Variants in PTK2 observed in about 807,000 individuals in gnomAD.
PTK2 encodes the protein protein tyrosine kinase 2, also known as focal adhesion kinase 1.
A neutral mutation model predicts 150.1 loss-of-function variants in PTK2; 45 were observed. The observed-to-expected ratio is 0.30, with a 90% CI of 0.24 to 0.38. The LOEUF is 0.38. Among genes scored for constraint, PTK2 ranks in the 10% least tolerant of loss-of-function variants. PTK2 has a pLI of 1.00. For missense variants in PTK2, 919 were observed against 1,307.3 expected (o/e 0.70, Z 4.58); for synonymous variants, 432 against 449.2 (o/e 0.96, Z 0.48).
At chr8:140,953,346 CA>C (rs2100180133) in intron 1 of PTK2, among the ~76,000 whole-genome samples, 1 of 152,048 alleles carries the variant, frequency 6.6e-6, no homozygotes, top group African/African-American at 2.4e-5. Flanking sequence ...ACAATTATAA[CA>C]ATATGCCAGC....
At chr8:140,828,168 CAAA>C (rs201599904) in intron 8 of PTK2, among the ~76,000 whole-genome samples, 7 of 65,390 alleles carry the variant, frequency 1.1e-4, no homozygotes, top group Admixed American at 3.4e-4. Context: ...TCTGTCTCAA[CAAA>C]AAAAAAAAAA....
intron 28 of PTK2, 50 bp from the exon 32 acceptor site, chr8:140,674,454 A>G (rs984251693): frequency 2.2e-5 from 33 of 1,506,748 alleles, no homozygotes; most frequent in Middle Eastern, 2.2e-4. Context: ...AAGAAAGATT[A>G]AGAGGCTGGG....
chr8:140,838,328 T>C (rs1323392716), intron 7 of PTK2, among the ~76,000 whole-genome samples: 1 of 152,124 alleles, frequency 6.6e-6, no homozygotes, highest in African/African-American at 2.4e-5. Flanking sequence ...GAAAAAGAAA[T>C]GCCAACACAC....
At chr8:140,717,569 C>T in intron 23 of PTK2, 29 bp downstream of exon 26, 1 of 1,553,634 alleles carries the variant, frequency 6.4e-7, no homozygotes, top group Non-Finnish European at 8.9e-7. Context: ...TAAGAGTAAC[C>T]CCAAAGTTGG....
chr8:140,968,480 C>A (rs1482824873), intron 1 of PTK2, among the ~76,000 whole-genome samples: 1 of 152,142 alleles, frequency 6.6e-6, no homozygotes, highest in Admixed American at 6.5e-5. Context: ...ATAATCTCTA[C>A]TAAACAGAAG....
At chr8:140,990,379 C>CA (rs1410903759) in intron 1 of PTK2, among the ~76,000 whole-genome samples, 1 of 152,002 alleles carries the variant, frequency 6.6e-6, no homozygotes, top group Non-Finnish European at 1.5e-5. Flanking sequence ...GGACTATAGG[C>CA]ATGTACCACC....
intron 7 of PTK2, among the ~76,000 whole-genome samples, chr8:140,841,500 T>C (rs1477701831): frequency 6.6e-6 from 1 of 151,998 alleles, no homozygotes; most frequent in Non-Finnish European, 1.5e-5. Flanking sequence ...TACACAAAAG[T>C]TTCAAAACAA....
chr8:140,894,134 G>GT (rs1261859663), intron 2 of PTK2, among the ~76,000 whole-genome samples: 1 of 152,128 alleles, frequency 6.6e-6, no homozygotes, highest in Admixed American at 6.5e-5. Flanking sequence ...ACTAGATAAG[G>GT]TCATAATGGT....
chr8:140,970,174 A>G (rs957768707), intron 1 of PTK2, among the ~76,000 whole-genome samples: 3 of 152,260 alleles, frequency 2.0e-5, no homozygotes, highest in African/African-American at 4.8e-5. Context: ...CCTGGGAAGT[A>G]CACACTGTGA....
At chr8:140,712,606 A>G (rs1332555699) in intron 23 of PTK2, among the ~76,000 whole-genome samples, 1 of 152,194 alleles carries the variant, frequency 6.6e-6, no homozygotes, top group Non-Finnish European at 1.5e-5. Context: ...TTTCAATGGA[A>G]CTTCTACTCA....
At chr8:140,877,639 C>A (rs1265241013) in intron 4 of PTK2, among the ~76,000 whole-genome samples, 1 of 151,876 alleles carries the variant, frequency 6.6e-6, no homozygotes, top group Admixed American at 6.6e-5. Flanking sequence ...CTTATGACGA[C>A]AAGGCATCAA....
At chr8:140,948,557 G>T (rs2100178463) in intron 1 of PTK2, 4 of 151,082 alleles carry the variant, frequency 2.6e-5, no homozygotes, top group African/African-American at 9.7e-5. Flanking sequence ...AAGTAATGCA[G>T]GAAGAGATAT....
chr8:140,829,427 G>A (rs752776455), intron 8 of PTK2, among the ~76,000 whole-genome samples: 16 of 152,094 alleles, frequency 1.1e-4, no homozygotes, highest in Non-Finnish European at 2.1e-4. Flanking sequence ...CCAACACTCC[G>A]GCCCAATGAT....
chr8:140,752,064 C>T, intron 17 of PTK2, 168 bp downstream of exon 20: 4 of 706,836 alleles, frequency 5.7e-6, no homozygotes, highest in Non-Finnish European at 1.0e-5. Flanking sequence ...CTGGAAAAAT[C>T]TGTAGATAGG....
chr8:140,721,501 C>G (rs1565076256), intron 22 of PTK2, among the ~76,000 whole-genome samples: 1 of 152,048 alleles, frequency 6.6e-6, no homozygotes, highest in African/African-American at 2.4e-5. Context: ...CTTTCTAGAT[C>G]ATAAAACACC....
At chr8:140,736,946 T>C in intron 21 of PTK2, among the ~76,000 whole-genome samples, 1 of 152,192 alleles carries the variant, frequency 6.6e-6, no homozygotes, top group East Asian at 1.9e-4. Context: ...CATATTATCA[T>C]CTTGATGTGA....
At chr8:140,933,021 T>C (rs575723623) in intron 1 of PTK2, among the ~76,000 whole-genome samples, 172 of 152,158 alleles carry the variant, frequency 1.1e-3, no homozygotes, top group African/African-American at 4.0e-3. Flanking sequence ...CCGGCTAATT[T>C]TGTATTTTCA....
chr8:140,861,528 T>C (rs1240718821), intron 5 of PTK2, among the ~76,000 whole-genome samples: 1 of 152,124 alleles, frequency 6.6e-6, no homozygotes, highest in African/African-American at 2.4e-5. Context: ...CTATGTACCA[T>C]CCCATAATGT....
At chr8:140,674,688 G>T (rs2100012532) in intron 28 of PTK2, among the ~76,000 whole-genome samples, 1 of 150,452 alleles carries the variant, frequency 6.6e-6, no homozygotes, top group African/African-American at 2.5e-5. Flanking sequence ...GCGGTGAGTT[G>T]AGATCGTGCC....
Sources: allele counts gnomAD v4.1 joint callset (sites outside exome capture counted in the v4.1 genomes callset), GRCh38; gene constraint gnomAD v4.1.1; transcripts MANE v1.5; gene names NCBI Gene and HGNC (gene_info 2026-07-23, HGNC 2026-07-21).